AFG1L: variants seen among roughly 807,000 people sequenced by gnomAD.
AFG1L encodes AFG1 like ATPase, also known as AFG1-like ATPase.
AFG1L carries 53 observed loss-of-function variants against 62.2 expected under a neutral mutation model. The ratio of observed to expected loss-of-function variants is 0.85; its 90% confidence interval spans 0.68 to 1.07. AFG1L has a LOEUF of 1.07. Among genes scored for constraint, AFG1L ranks in the 50% least tolerant of loss-of-function variants. The pLI is 0.00. For missense variants in AFG1L, 555 were observed against 590.5 expected (o/e 0.94, Z 0.62); for synonymous variants, 228 against 210.3 (o/e 1.08, Z -0.73).
intron 7 of AFG1L, among the ~76,000 whole-genome samples, chr6:108,423,975 A>T (rs926827440): frequency 6.6e-6 from 1 of 152,144 alleles, no homozygotes; most frequent in Non-Finnish European, 1.5e-5. Context: ...TTAAATCTTT[A>T]TAATTATTAA....
At chr6:108,492,247 C>G (rs1007032) in intron 10 of AFG1L, among the ~76,000 whole-genome samples, 3,735 of 152,268 alleles carry the variant, frequency 0.025, 147 homozygotes, top group African/African-American at 0.085. Context: ...CACTATGCAG[C>G]TCATCTTTCC....
intron 7 of AFG1L, among the ~76,000 whole-genome samples, chr6:108,411,601 A>G (rs1246374542): frequency 6.6e-6 from 1 of 152,144 alleles, no homozygotes; most frequent in Admixed American, 6.5e-5. Context: ...GTTCTGCAAT[A>G]TTTGCTGTTC....
chr6:108,323,752 A>G (rs1777912791), intron 1 of AFG1L, 73 bp from the exon 2 acceptor site: 2 of 1,061,246 alleles, frequency 1.9e-6, no homozygotes, highest in Non-Finnish European at 2.8e-6. Flanking sequence ...TTTGAATTTG[A>G]CCCTTAAGAA....
intron 10 of AFG1L, among the ~76,000 whole-genome samples, chr6:108,485,541 T>A (rs1773502932): frequency 1.4e-5 from 2 of 147,116 alleles, no homozygotes; most frequent in Admixed American, 1.4e-4. Context: ...ATATTTAATA[T>A]TTGCCTCAGT....
intron 7 of AFG1L, among the ~76,000 whole-genome samples, chr6:108,435,938 A>G (rs1771289037): frequency 6.6e-6 from 1 of 152,168 alleles, no homozygotes; most frequent in Admixed American, 6.5e-5. Context: ...AGCATTTACT[A>G]TGTACTGTGT....
intron 1 of AFG1L, among the ~76,000 whole-genome samples, chr6:108,296,571 A>T (rs979242583): frequency 1.1e-4 from 16 of 152,228 alleles, no homozygotes; most frequent in Non-Finnish European, 2.9e-5. Flanking sequence ...TTAAAAAAAT[A>T]GAAGTAGTAA....
intron 6 of AFG1L, among the ~76,000 whole-genome samples, chr6:108,400,117 G>C (rs114157773): frequency 3.3e-5 from 5 of 151,966 alleles, no homozygotes; most frequent in Admixed American, 3.3e-4. Context: ...ATATAAGCTC[G>C]TGTCACCTGC....
At chr6:108,440,018 A>T (rs1366620704) in intron 7 of AFG1L, among the ~76,000 whole-genome samples, 1 of 152,188 alleles carries the variant, frequency 6.6e-6, no homozygotes, top group African/African-American at 2.4e-5. Flanking sequence ...AATATGATAG[A>T]TGTCTACCTC....
In AFG1L at chr6:108,417,452, G is replaced by A. The variant is rs1370376212; in HGVS notation, c.807+15398G>A. 2.6e-5 allele frequency among the ~76,000 whole-genome samples: 4 copies of A among 152,056 alleles called. No homozygotes were observed. In the South Asian group the frequency reaches 8.3e-4, roughly 32 times the overall value. ...GTTACCAAGAAAAGTGGGAAAGGACGTTTACCATGCAGGGAAAAGACATAG... is the reference window on the plus strand; with the variant it reads ...GTTACCAAGAAAAGTGGGAAAGGACATTTACCATGCAGGGAAAAGACATAG... On this transcript the variant is annotated intron_variant, in intron 7 of 12. Transcript: ENST00000368977.
rs1777244185 is a variant in AFG1L, at chr6:108,307,436, G to T, written c.139+12218G>T. On this transcript the variant is annotated intron_variant, in intron 1 of 12. Coordinates refer to ENST00000368977, the MANE Select transcript of AFG1L (RefSeq NM_145315.5). ...TATTTTTTTTTTTTTTTGGAAACAG[G>T]GTTTTGCCCAGTCGCCCAGGCTGGA... Among the ~76,000 whole-genome samples the T allele has an allele frequency of 4.7e-5, 7 of 148,020 alleles. No homozygotes were observed. In the South Asian group the frequency reaches 1.5e-3, roughly 32 times the overall value.
At chr6:108,444,462 A>T (rs1342844241) in intron 7 of AFG1L, among the ~76,000 whole-genome samples, 1 of 152,120 alleles carries the variant, frequency 6.6e-6, no homozygotes, top group East Asian at 1.9e-4. Context: ...TGCTATATAG[A>T]TTGACTCTTC....
At chr6:108,417,602 T>G (rs1381113133) in intron 7 of AFG1L, among the ~76,000 whole-genome samples, 1 of 152,142 alleles carries the variant, frequency 6.6e-6, no homozygotes, top group Non-Finnish European at 1.5e-5. Flanking sequence ...AAAACTCAGA[T>G]TTTTCTCCAA....
intron 10 of AFG1L, among the ~76,000 whole-genome samples, chr6:108,509,101 A>T (rs1319479319): frequency 6.6e-6 from 1 of 152,236 alleles, no homozygotes; most frequent in Non-Finnish European, 1.5e-5. Context: ...ATCCACAGGC[A>T]GCTTAAAATG....
chr6:108,368,779 A>G (rs1449882693), intron 6 of AFG1L, among the ~76,000 whole-genome samples: 1 of 152,230 alleles, frequency 6.6e-6, no homozygotes, highest in African/African-American at 2.4e-5. Flanking sequence ...TGCTCAGACT[A>G]TGGCAGTGTG....
chr6:108,399,827 G>A (rs1294292401), intron 6 of AFG1L, among the ~76,000 whole-genome samples: 3 of 133,958 alleles, frequency 2.2e-5, no homozygotes, highest in Non-Finnish European at 3.1e-5. Context: ...TGCCCAGGCT[G>A]GAGTGCAGTG....
At chr6:108,498,105 C>T (rs529726379) in intron 10 of AFG1L, among the ~76,000 whole-genome samples, 1 of 152,290 alleles carries the variant, frequency 6.6e-6, no homozygotes, top group East Asian at 1.9e-4. Context: ...TCTCCTCCTC[C>T]AGCAGGCTAG....
rs7756674 is a variant in AFG1L at position 108,476,381 on chromosome 6, C to T, written c.891-484C>T. On this transcript the variant is annotated intron_variant, in intron 8 of 12. Coordinates refer to ENST00000368977, the MANE Select transcript of AFG1L (RefSeq NM_145315.5). Reference sequence around the variant, plus strand: ...TGATGTGCAGATCAAGTTGGCATTTCGAAGGTAGTAATTTAATTCTGGAGG... The same window carrying T: ...TGATGTGCAGATCAAGTTGGCATTTTGAAGGTAGTAATTTAATTCTGGAGG... 6.7e-3 allele frequency among the ~76,000 whole-genome samples: 1,018 copies of T among 152,244 alleles called. 9 individuals carry two copies. The highest frequency in any genetic ancestry group is 0.022 in the African/African-American group (929 of 41,546).
chr6:108,450,087 C>T (rs1047985293), intron 8 of AFG1L, among the ~76,000 whole-genome samples: 1 of 152,198 alleles, frequency 6.6e-6, no homozygotes, highest in Non-Finnish European at 1.5e-5. Flanking sequence ...TTTATAGCAG[C>T]ATGATTTATA....
At chr6:108,318,340 C>A in intron 1 of AFG1L, 2 of 392,472 alleles carry the variant, frequency 5.1e-6, no homozygotes, top group Admixed American at 3.0e-5. Flanking sequence ...GAATGCTGGC[C>A]ATAAGAGATG....
Sources: gnomAD v4.1 joint callset for allele counts (sites outside exome capture counted in the v4.1 genomes callset) on GRCh38, gnomAD v4.1.1 for gene constraint, MANE v1.5 for transcripts, NCBI Gene and HGNC (gene_info 2026-07-23, HGNC 2026-07-21) for gene names.